EPB41L5: variants seen among roughly 807,000 people sequenced by gnomAD.
The protein encoded by EPB41L5 is erythrocyte membrane protein band 4.1 like 5.
A neutral mutation model predicts 106.6 loss-of-function variants in EPB41L5; 55 were observed. The ratio of observed to expected loss-of-function variants is 0.52; its 90% confidence interval spans 0.42 to 0.65. EPB41L5 has a LOEUF of 0.65. Among genes scored for constraint, EPB41L5 ranks in the 30% least tolerant of loss-of-function variants. The pLI, the probability that EPB41L5 is intolerant of heterozygous loss-of-function variation, is 0.00. For synonymous variants in EPB41L5, 297 were observed against 306.7 expected (o/e 0.97, Z 0.33); for missense variants, 871 against 882.1 (o/e 0.99, Z 0.16).
At chr2:120,042,306 A>G (rs1053033770) in intron 3 of EPB41L5, among the ~76,000 whole-genome samples, 196 bp downstream of exon 3, 1 of 152,100 alleles carries the variant, frequency 6.6e-6, no homozygotes, top group Non-Finnish European at 1.5e-5. Context: ...TTCTGGTCCT[A>G]ATTTCCTAAC....
intron 3 of EPB41L5, among the ~76,000 whole-genome samples, chr2:120,064,869 G>C (rs556124153): frequency 6.6e-6 from 1 of 152,268 alleles, no homozygotes; most frequent in Admixed American, 6.5e-5. Flanking sequence ...GGAATGTGGA[G>C]GAGATGAAAG....
At chr2:120,143,227 T>A in intron 19 of EPB41L5, 96 bp downstream of exon 19, 1 of 1,297,580 alleles carries the variant, frequency 7.7e-7, no homozygotes, top group South Asian at 1.7e-5. Context: ...CAAGCTAGAT[T>A]AATGGTGCAG....
At position 120,175,088 on chromosome 2, in the gene EPB41L5, C is replaced by T. The variant is rs1027613542; in HGVS notation, c.*181C>T. Reference sequence around the variant, plus strand: ...CCGTCCAACTGGAATTGTTGAATCACACTGCATAGCTGCCCAAAAGAGAGT... The same window carrying T: ...CCGTCCAACTGGAATTGTTGAATCATACTGCATAGCTGCCCAAAAGAGAGT... On this transcript the variant is annotated 3_prime_UTR_variant, in exon 25 of 25. Coordinates refer to ENST00000263713, the MANE Select transcript of EPB41L5 (RefSeq NM_020909.4). 2 of 622,574 alleles carry T rather than the reference C, an allele frequency of 3.2e-6. No individual in the cohort carries two copies. Among genetic ancestry groups the T allele is most frequent in the Non-Finnish European group, 5.8e-6 (2 of 343,398 alleles). 38.6% of individuals were successfully genotyped at this position (622,574 alleles called of 1,614,324 possible).
intron 18 of EPB41L5, among the ~76,000 whole-genome samples, chr2:120,138,386 T>C (rs1444798653): frequency 6.6e-6 from 1 of 151,938 alleles, no homozygotes; most frequent in Non-Finnish European, 1.5e-5. Context: ...GGCATCTAAA[T>C]TGGAAAGGAA....
At chr2:120,052,288 A>C (rs1013149084) in intron 3 of EPB41L5, among the ~76,000 whole-genome samples, 1 of 152,148 alleles carries the variant, frequency 6.6e-6, no homozygotes, top group African/African-American at 2.4e-5. Context: ...GTTCCCTTAT[A>C]AAGTAGATTA....
chr2:120,131,487 G>T lies in EPB41L5; in HGVS notation c.1502-131G>T, dbSNP rs1334444654. The stretch of plus-strand genomic sequence containing the variant: ...TGGAAAGAAAATATATTTATTTTGT[G>T]TTTATCTGGATTATTACTTTTAGTT... On this transcript the variant is annotated intron_variant, in intron 17 of 24. Coordinates refer to ENST00000263713, the MANE Select transcript of EPB41L5 (RefSeq NM_020909.4). The T allele has an allele frequency of 6.4e-6, 4 of 623,736 alleles. No individual in the cohort carries two copies. In the African/African-American group the frequency reaches 7.4e-5, roughly 12 times the overall value. 38.6% of individuals were successfully genotyped at this position (623,736 alleles called of 1,614,324 possible). A position where few individuals can be genotyped will look rare whatever the true frequency, so the allele number is the denominator to read the frequency against.
Position 120,036,352 on chromosome 2 carries a change from G to T in EPB41L5, c.181-5654G>T, listed in dbSNP as rs537281400. Among the ~76,000 whole-genome samples, 3 of 152,280 alleles carry T rather than the reference G, an allele frequency of 2.0e-5. No homozygotes were observed. In the East Asian group the frequency reaches 5.8e-4, roughly 29 times the overall value. On this transcript the variant is annotated intron_variant, in intron 2 of 24. Coordinates refer to ENST00000263713, the MANE Select transcript of EPB41L5 (RefSeq NM_020909.4). ...AAGTGATTAACTGTGATTTTCTCTT[G>T]TTAGGGCTCTCCTCCCTAGAATTCT...
intron 2 of EPB41L5, among the ~76,000 whole-genome samples, chr2:120,027,181 T>TA (rs1678385754): frequency 6.6e-6 from 1 of 152,260 alleles, no homozygotes; most frequent in South Asian, 2.1e-4. Context: ...ACCCAACAGT[T>TA]ACATTTCTAG....
intron 10 of EPB41L5, 42 bp from the exon 11 acceptor site, chr2:120,087,129 A>G: frequency 2.5e-6 from 3 of 1,220,042 alleles, no homozygotes; most frequent in Non-Finnish European, 3.6e-6. Flanking sequence ...TTTAGAGAAC[A>G]TTTGTTTGTA....
At chr2:120,090,292 A>C in intron 11 of EPB41L5, 55 bp from the exon 12 acceptor site, 1 of 1,422,196 alleles carries the variant, frequency 7.0e-7, no homozygotes, top group Non-Finnish European at 9.6e-7. Context: ...CAGAAATAGG[A>C]GATAGGACTG....
At chr2:120,167,258 C>A (rs1212782593) in intron 22 of EPB41L5, among the ~76,000 whole-genome samples, 2 of 152,146 alleles carry the variant, frequency 1.3e-5, no homozygotes, top group African/African-American at 2.4e-5. Flanking sequence ...AATTATGACA[C>A]TTTCTTAAGT....
At chr2:120,026,335 G>C (rs927394809) in intron 2 of EPB41L5, among the ~76,000 whole-genome samples, 1 of 151,812 alleles carries the variant, frequency 6.6e-6, no homozygotes, top group Non-Finnish European at 1.5e-5. Context: ...TTAGATCTTA[G>C]ATTTGGCACC....
chr2:120,015,907 T>TAAA (rs35254844), intron 1 of EPB41L5, among the ~76,000 whole-genome samples: 12 of 120,722 alleles, frequency 9.9e-5, no homozygotes, highest in African/African-American at 1.9e-4. Flanking sequence ...AGACTGTCTC[T>TAAA]AAAAAAAAAA....
intron 2 of EPB41L5, among the ~76,000 whole-genome samples, chr2:120,040,236 G>A (rs1313961932): frequency 4.6e-5 from 7 of 152,076 alleles, no homozygotes; most frequent in African/African-American, 1.7e-4. Flanking sequence ...GGTTGAAGAG[G>A]TCCATATAGA....
intron 20 of EPB41L5, among the ~76,000 whole-genome samples, chr2:120,150,016 C>G (rs1273692432): frequency 6.6e-6 from 1 of 151,642 alleles, no homozygotes; most frequent in Non-Finnish European, 1.5e-5. Context: ...CCTGAGCTTC[C>G]TTAGTAGCAG....
chr2:120,017,865 C>G (rs1677631200), intron 1 of EPB41L5, among the ~76,000 whole-genome samples: 1 of 152,136 alleles, frequency 6.6e-6, no homozygotes, highest in Non-Finnish European at 1.5e-5. Context: ...TGAGGCATCT[C>G]AGCTCACTGC....
chr2:120,023,565 A>T lies in EPB41L5; in HGVS notation c.180+4301A>T, dbSNP rs537123703. Among the ~76,000 whole-genome samples, 5 of 152,218 alleles carry T rather than the reference A, an allele frequency of 3.3e-5. No individual in the cohort carries two copies. The East Asian group carries it at 9.7e-4, about 29-fold the overall frequency. On this transcript the variant is annotated intron_variant, in intron 2 of 24. Coordinates refer to ENST00000263713, the MANE Select transcript of EPB41L5 (RefSeq NM_020909.4). Reference sequence around the variant, plus strand: ...GTATGTCTGTTTTGGTACCAGTACCATGCTGTTTTGGTTACTATAGCCTTA... The same window carrying T: ...GTATGTCTGTTTTGGTACCAGTACCTTGCTGTTTTGGTTACTATAGCCTTA...
chr2:120,159,191 G>A (rs541562376), intron 20 of EPB41L5, among the ~76,000 whole-genome samples: 3 of 151,566 alleles, frequency 2.0e-5, no homozygotes, highest in Admixed American at 6.6e-5. Context: ...TTGGGAGGCC[G>A]AGGCGGGTGG....
chr2:120,164,518 A>AT (rs747283227), intron 21 of EPB41L5, among the ~76,000 whole-genome samples: 1 of 152,126 alleles, frequency 6.6e-6, no homozygotes. Flanking sequence ...AGCCAAAATA[A>AT]TTTTTTTGTA....
Sources: gnomAD v4.1 joint callset for allele counts (sites outside exome capture counted in the v4.1 genomes callset) on GRCh38, gnomAD v4.1.1 for gene constraint, MANE v1.5 for transcripts, NCBI Gene and HGNC (gene_info 2026-07-23, HGNC 2026-07-21) for gene names.